Variants in ACTR3C observed in about 807,000 individuals in gnomAD.
ACTR3C encodes actin-related protein 3C.
In ACTR3C, 18 loss-of-function variants were observed where a neutral mutation model predicts 26.3. The observed-to-expected ratio is 0.68, with a 90% CI of 0.47 to 1.01. ACTR3C has a LOEUF of 1.01. Among genes scored for constraint, ACTR3C ranks in the 50% least tolerant of loss-of-function variants. The pLI, the probability that ACTR3C is intolerant of heterozygous loss-of-function variation, is 0.00. For synonymous variants in ACTR3C, 55 were observed against 94.5 expected (o/e 0.58, Z 2.42); for missense variants, 184 against 250.7 (o/e 0.73, Z 1.80).
the ACTR3C span, among the ~76,000 whole-genome samples, chr7:150,041,999 C>T: frequency 1.1e-4 from 15 of 142,558 alleles, no homozygotes; most frequent in Middle Eastern, 7.8e-3. Context: ...CAACTAACAC[C>T]CACAGTCCTC....
chr7:150,241,327 C>G (rs995760324), downstream of ACTR3C, among the ~76,000 whole-genome samples: 25 of 152,056 alleles, frequency 1.6e-4, no homozygotes, highest in Admixed American at 1.2e-3. Context: ...GTAAATTTGA[C>G]TCACACATAT....
At chr7:149,893,059 A>T in the ACTR3C span, among the ~76,000 whole-genome samples, 1 of 152,240 alleles carries the variant, frequency 6.6e-6, no homozygotes, top group Non-Finnish European at 1.5e-5. Flanking sequence ...GTAAATAATC[A>T]TATCAAACTT....
At chr7:150,286,628 A>G (rs2129612488) in intron 4 of ACTR3C, 88 bp from the exon 5 acceptor site, 1 of 1,560,608 alleles carries the variant, frequency 6.4e-7, no homozygotes, top group Admixed American at 1.8e-5. Flanking sequence ...CCCATGCAGT[A>G]AACACACCCT....
the ACTR3C span, among the ~76,000 whole-genome samples, chr7:150,148,016 G>GACAATGGGGAAA: frequency 6.8e-6 from 1 of 146,208 alleles, no homozygotes; most frequent in Admixed American, 7.0e-5. Flanking sequence ...ATGGGAAGGA[G>GACAATGGGGAAA]ACAATGGGGA....
At chr7:149,888,198 A>G in the ACTR3C span, among the ~76,000 whole-genome samples, 2 of 140,358 alleles carry the variant, frequency 1.4e-5, no homozygotes, top group South Asian at 5.2e-4. Flanking sequence ...CATTAGTGAC[A>G]TACACTTTCT....
At chr7:150,035,843 TC>T in the ACTR3C span, among the ~76,000 whole-genome samples, 1 of 104,452 alleles carries the variant, frequency 9.6e-6, no homozygotes, top group Non-Finnish European at 2.1e-5. Flanking sequence ...GGGTTGCCTC[TC>T]CCCCCCTGCG....
chr7:150,045,460 T>G, the ACTR3C span, among the ~76,000 whole-genome samples: 2 of 152,134 alleles, frequency 1.3e-5, no homozygotes, highest in African/African-American at 4.8e-5. Flanking sequence ...GCCGGATATA[T>G]ATGTGCAGAT....
the ACTR3C span, among the ~76,000 whole-genome samples, chr7:150,096,227 C>T: frequency 0.12 from 18,675 of 149,592 alleles, 1,478 homozygotes; most frequent in South Asian, 0.17. Flanking sequence ...ATATATTATG[C>T]CTGATCTAAC....
chr7:150,165,272 G>A, the ACTR3C span, among the ~76,000 whole-genome samples: 3 of 152,048 alleles, frequency 2.0e-5, no homozygotes, highest in African/African-American at 7.3e-5. Context: ...GACATGAGGA[G>A]ATCAATATTT....
chr7:150,077,408 G>A, the ACTR3C span, among the ~76,000 whole-genome samples: 1 of 152,150 alleles, frequency 6.6e-6, no homozygotes, highest in African/African-American at 2.4e-5. Context: ...ACAACTCCAT[G>A]TGACCTCTGT....
chr7:150,032,666 AAG>A, the ACTR3C span, among the ~76,000 whole-genome samples: 1 of 149,650 alleles, frequency 6.7e-6, no homozygotes, highest in East Asian at 2.1e-4. Context: ...GACAGACAGA[AAG>A]AGTTTTGGGA....
chr7:149,989,059 G>A, the ACTR3C span, among the ~76,000 whole-genome samples: 1 of 152,150 alleles, frequency 6.6e-6, no homozygotes, highest in African/African-American at 2.4e-5. Flanking sequence ...GAGCTCCAGA[G>A]TAGGGAGCAA....
chr7:150,049,487 A>G, the ACTR3C span, among the ~76,000 whole-genome samples: 12 of 152,264 alleles, frequency 7.9e-5, no homozygotes, highest in East Asian at 2.3e-3. Flanking sequence ...CAGGACTGCT[A>G]AGGCTCCCTG....
chr7:149,987,936 T>C, the ACTR3C span, among the ~76,000 whole-genome samples: 6 of 152,172 alleles, frequency 3.9e-5, no homozygotes, highest in Non-Finnish European at 8.8e-5. Context: ...AAAAAGAACA[T>C]TTTCACACTT....
chr7:150,058,758 T>C, the ACTR3C span, among the ~76,000 whole-genome samples: 11 of 151,948 alleles, frequency 7.2e-5, no homozygotes, highest in South Asian at 2.1e-3. Context: ...CTACTAAAAA[T>C]ACAAAAATTA....
rs185746800 is a variant in ACTR3C, at chr7:150,312,794, T to C, written c.-52+10675A>G. Among the ~76,000 whole-genome samples the C allele has an allele frequency of 3.2e-4, 49 of 152,324 alleles. No homozygotes were observed. In the East Asian group the frequency reaches 9.2e-3, roughly 29 times the overall value. ...CTTCATCTTTTCTTATAACTTTATA[T>C]TTTATAAATAAAAAGACAGGAATGT... On this transcript the variant is annotated intron_variant, in intron 1 of 7. Transcript: ENST00000683684.
chr7:150,038,811 CCCCCTCT>C, the ACTR3C span, among the ~76,000 whole-genome samples: 2 of 142,130 alleles, frequency 1.4e-5, no homozygotes, highest in African/African-American at 5.4e-5. Flanking sequence ...GGGGTGCCTC[CCCCCTCT>C]GCGATGGGGG....
At chr7:150,318,623 G>A (rs758818718) in intron 1 of ACTR3C, among the ~76,000 whole-genome samples, 10 of 152,236 alleles carry the variant, frequency 6.6e-5, no homozygotes, top group Middle Eastern at 6.8e-3. Flanking sequence ...TTAGCCAGGC[G>A]TGGTGGTGCA....
At chr7:150,029,400 AAAC>A in the ACTR3C span, among the ~76,000 whole-genome samples, 113 of 85,086 alleles carry the variant, frequency 1.3e-3, no homozygotes, top group Admixed American at 6.1e-4. Context: ...TCTTTATCAA[AAAC>A]AAAAAAAAAA....
Sources: gnomAD v4.1 joint callset for allele counts (sites outside exome capture counted in the v4.1 genomes callset) on GRCh38, gnomAD v4.1.1 for gene constraint, MANE v1.5 for transcripts, NCBI Gene and HGNC (gene_info 2026-07-23, HGNC 2026-07-21) for gene names.